GUCY1A2: variants seen among roughly 807,000 people sequenced by gnomAD.
GUCY1A2 encodes guanylate cyclase soluble subunit alpha-2.
GUCY1A2 carries 27 observed loss-of-function variants against 63.5 expected under a neutral mutation model. The observed-to-expected ratio is 0.43, with a 90% confidence interval of 0.31 to 0.59. The LOEUF (loss-of-function observed/expected upper bound fraction) is 0.59. Ranked by LOEUF, GUCY1A2 falls within the 20% of genes least tolerant of loss-of-function variation. The probability of loss-of-function intolerance (pLI) is 0.11; values close to 1 mark genes in which losing one functional copy is unlikely to be tolerated. For synonymous variants in GUCY1A2, 364 were observed against 343.5 expected (o/e 1.06, Z -0.66); for missense variants, 768 against 913.3 (o/e 0.84, Z 2.05).
intron 5 of GUCY1A2, among the ~76,000 whole-genome samples, chr11:106,792,203 T>A (rs1467953502): frequency 6.6e-6 from 1 of 151,858 alleles, no homozygotes; most frequent in African/African-American, 2.4e-5. Context: ...TTGGCCAACA[T>A]AGTGAAACCC....
chr11:106,750,179 G>GTCTGGTA (rs1235545191), intron 6 of GUCY1A2, among the ~76,000 whole-genome samples: 3 of 152,236 alleles, frequency 2.0e-5, no homozygotes, highest in African/African-American at 4.8e-5. Context: ...TGAACATGGA[G>GTCTGGTA]TCTGGTATCT....
At chr11:106,882,865 T>G (rs1859844845) in intron 4 of GUCY1A2, among the ~76,000 whole-genome samples, 1 of 152,076 alleles carries the variant, frequency 6.6e-6, no homozygotes, top group African/African-American at 2.4e-5. Flanking sequence ...ATTAAGATTT[T>G]ATCAGTTCTC....
intron 6 of GUCY1A2, among the ~76,000 whole-genome samples, chr11:106,716,684 G>A (rs1863219703): frequency 1.4e-5 from 2 of 146,968 alleles, no homozygotes; most frequent in South Asian, 2.1e-4. Flanking sequence ...CAGGAGAATG[G>A]CATGAACCCG....
intron 1 of GUCY1A2, among the ~76,000 whole-genome samples, chr11:107,006,555 G>T (rs1486815266): frequency 6.6e-6 from 1 of 152,158 alleles, no homozygotes; most frequent in African/African-American, 2.4e-5. Flanking sequence ...AAAACGGTTT[G>T]TTAAAATCTA....
At chr11:106,840,763 G>T (rs904143708) in intron 4 of GUCY1A2, among the ~76,000 whole-genome samples, 19 of 151,976 alleles carry the variant, frequency 1.3e-4, no homozygotes, top group Admixed American at 9.8e-4. Flanking sequence ...CCTTTTAAAA[G>T]ATGTTATTAC....
intron 4 of GUCY1A2, among the ~76,000 whole-genome samples, chr11:106,821,450 A>G (rs1858902012): frequency 6.6e-6 from 1 of 152,174 alleles, no homozygotes; most frequent in Non-Finnish European, 1.5e-5. Context: ...TAAAACCAAC[A>G]GTTAGCCTGA....
chr11:106,847,868 G>T (rs1471046268), intron 4 of GUCY1A2, among the ~76,000 whole-genome samples: 1 of 151,410 alleles, frequency 6.6e-6, no homozygotes, highest in African/African-American at 2.4e-5. Context: ...TTTTAAATTA[G>T]AAATCTAACC....
At chr11:106,911,618 C>T (rs1319226012) in intron 4 of GUCY1A2, among the ~76,000 whole-genome samples, 2 of 151,908 alleles carry the variant, frequency 1.3e-5, no homozygotes, top group East Asian at 3.9e-4. Flanking sequence ...GATATAAGGC[C>T]TGAGAGTTTC....
chr11:106,881,504 T>C (rs895003177), intron 4 of GUCY1A2, among the ~76,000 whole-genome samples: 2 of 152,054 alleles, frequency 1.3e-5, no homozygotes, highest in African/African-American at 4.8e-5. Context: ...GTATCCTCAT[T>C]AAAAATTTAT....
Position 106,677,600 on chromosome 11 carries a change from A to G in GUCY1A2, c.*9949T>C, listed in dbSNP as rs1862367505. ...TATTAAATTTCTTGTTTGTTTTATC[A>G]AAGTTTTGACATGCTGAATTTCATG... On this transcript the variant is annotated 3_prime_UTR_variant, in exon 8 of 8. Transcript: ENST00000526355. The G allele has an allele frequency of 4.8e-6, 1 of 207,862 alleles. No homozygotes were observed. The highest frequency in any genetic ancestry group is 2.3e-5 in the African/African-American group (1 of 43,944). The allele number at this position is 207,862 out of a possible 1,614,324, so 12.9% of individuals were successfully genotyped here.
At chr11:106,990,341 A>G (rs1031857352) in intron 1 of GUCY1A2, among the ~76,000 whole-genome samples, 1 of 152,266 alleles carries the variant, frequency 6.6e-6, no homozygotes, top group Non-Finnish European at 1.5e-5. Context: ...ACAGTGACTG[A>G]ACCCCACAGA....
chr11:106,684,366 A>T lies in GUCY1A2; in HGVS notation c.*3183T>A, dbSNP rs1419626458. The T allele has an allele frequency of 5.2e-6, 1 of 191,026 alleles. No individual in the cohort carries two copies. Among genetic ancestry groups the T allele is most frequent in the East Asian group, 8.3e-5 (1 of 12,074 alleles). 11.8% of individuals were successfully genotyped at this position (191,026 alleles called of 1,614,324 possible). A position where few individuals can be genotyped will look rare whatever the true frequency, so the allele number is the denominator to read the frequency against. On this transcript the variant is annotated 3_prime_UTR_variant, in exon 8 of 8. Coordinates refer to ENST00000526355, the MANE Select transcript of GUCY1A2 (RefSeq NM_000855.3). Reference sequence around the variant, plus strand: ...GCAATTGGGTCCCATGTTACCTGGAAGCTATGTCTTCTTCCCCTTCTCTAC... The same window carrying T: ...GCAATTGGGTCCCATGTTACCTGGATGCTATGTCTTCTTCCCCTTCTCTAC...
chr11:106,714,366 C>A (rs1378452544), intron 6 of GUCY1A2, among the ~76,000 whole-genome samples: 2 of 152,126 alleles, frequency 1.3e-5, no homozygotes. Flanking sequence ...GGAAGTAAGG[C>A]GATACCACTG....
chr11:106,840,853 G>A (rs747900678), intron 4 of GUCY1A2, among the ~76,000 whole-genome samples: 1 of 151,776 alleles, frequency 6.6e-6, no homozygotes, highest in Non-Finnish European at 1.5e-5. Context: ...AATAAACTTC[G>A]GAAAAAATTT....
intron 5 of GUCY1A2, among the ~76,000 whole-genome samples, chr11:106,797,277 C>G (rs1864782111): frequency 6.6e-6 from 1 of 152,118 alleles, no homozygotes; most frequent in Non-Finnish European, 1.5e-5. Flanking sequence ...CTCAACTCAT[C>G]AAAGTCATTC....
chr11:107,018,032 G>A lies in GUCY1A2; in HGVS notation c.24C>T (p.Ser8=), dbSNP rs781513016. The change falls in exon 1 of 8, where the codon TCC becomes TCT. Residue 8 remains serine (S), a synonymous_variant. Coordinates refer to ENST00000526355, the MANE Select transcript of GUCY1A2 (RefSeq NM_000855.3). ...CGGAGCCCAGGGAGCTGAAGGACTC[G>A]GACGAAATCTTCCTTCGAGACATGC... MSRRKIS[S]ESFSSLGSDY... The A allele has an allele frequency of 5.4e-6, 8 of 1,473,110 alleles. No individual in the cohort carries two copies. Among genetic ancestry groups the A allele is most frequent in the South Asian group, 5.1e-5 (4 of 77,794 alleles). The allele number at this position is 1,473,110 out of a possible 1,614,324, so 91.3% of individuals were successfully genotyped here.
chr11:106,973,180 A>T (rs1248852858), intron 3 of GUCY1A2, among the ~76,000 whole-genome samples: 3 of 152,124 alleles, frequency 2.0e-5, no homozygotes, highest in African/African-American at 7.2e-5. Context: ...GATATTCTTA[A>T]ACTTTTCCAT....
At chr11:106,757,958 C>A (rs1864002743) in intron 6 of GUCY1A2, among the ~76,000 whole-genome samples, 1 of 152,174 alleles carries the variant, frequency 6.6e-6, no homozygotes, top group Admixed American at 6.5e-5. Flanking sequence ...CCACAGCTAC[C>A]CCTTTCCCCA....
intron 1 of GUCY1A2, among the ~76,000 whole-genome samples, chr11:107,000,500 T>C (rs539492023): frequency 6.6e-6 from 1 of 152,342 alleles, no homozygotes; most frequent in South Asian, 2.1e-4. Context: ...AAAAGACATT[T>C]TCATTAGTTG....
Sources: gnomAD v4.1 joint callset for allele counts (sites outside exome capture counted in the v4.1 genomes callset) on GRCh38, gnomAD v4.1.1 for gene constraint, MANE v1.5 for transcripts, NCBI Gene and HGNC (gene_info 2026-07-23, HGNC 2026-07-21) for gene names.